The following TRAPPC6A variants were observed in gnomAD, a reference collection of about 807,000 sequenced individuals.
The protein encoded by TRAPPC6A is TRAPP complex subunit 6A.
In TRAPPC6A, 25 loss-of-function variants were observed where a neutral mutation model predicts 20.8. The ratio of observed to expected loss-of-function variants is 1.20; its 90% CI spans 0.88 to 1.68. TRAPPC6A has a LOEUF of 1.68. TRAPPC6A is among the 40% of genes most tolerant of loss of function. The pLI, the probability that TRAPPC6A is intolerant of heterozygous loss-of-function variation, is 0.00. For missense variants in TRAPPC6A, 215 were observed against 211.6 expected, an observed-to-expected ratio of 1.02 and a Z score of -0.10; for synonymous variants, 96 against 93.3, an observed-to-expected ratio of 1.03 and a Z score of -0.16.
At chr19:45,170,360 C>T (rs1209762875) in intron 1 of TRAPPC6A, among the ~76,000 whole-genome samples, 1 of 152,180 alleles carries the variant, frequency 6.6e-6, no homozygotes, top group African/African-American at 2.4e-5. Flanking sequence ...GGCAGGTGTG[C>T]TGCGAGGGTG....
At chr19:45,175,354 G>C (rs1407846478) in intron 1 of TRAPPC6A, among the ~76,000 whole-genome samples, 2 of 151,376 alleles carry the variant, frequency 1.3e-5, no homozygotes, top group Non-Finnish European at 2.9e-5. Flanking sequence ...ATGAACCCGG[G>C]AGGCGGAGCT....
At position 45,163,971 on chromosome 19, in the gene TRAPPC6A, G is replaced by A. The variant is rs759378602; in HGVS notation, c.393C>T (p.Leu131=). ...CCACGCTCTCAATGCCCAGGGTATAGAGGGCGCCGCGCAGGAGGCCGCAGG... is the reference window on the plus strand; with the variant it reads ...CCACGCTCTCAATGCCCAGGGTATAAAGGGCGCCGCGCAGGAGGCCGCAGG... The part of the protein sequence containing the change: ...AFTCGLLRGA[L]YTLGIESVVT... The change falls in exon 5 of 6, where the codon CTC becomes CTT. Residue 131 remains leucine, a synonymous_variant. Coordinates refer to ENST00000585934, the MANE Select transcript of TRAPPC6A (RefSeq NM_001270891.2). This position sits in a 1 kb window ranked among gnomAD's most constrained non-coding sequence, Gnocchi z 5.3. The A allele has an allele frequency of 3.8e-6, 6 of 1,581,492 alleles. No homozygotes were observed. In the African/African-American group the frequency reaches 5.3e-5, roughly 14 times the overall value.
At position 45,163,910 on chromosome 19, in the gene TRAPPC6A, A is replaced by G; in HGVS notation, c.448+6T>C. The G allele has an allele frequency of 1.4e-6, 2 of 1,412,324 alleles. No homozygotes were observed. The highest frequency in any genetic ancestry group is 2.0e-6 in the Non-Finnish European group (2 of 1,020,028). 87.5% of individuals were successfully genotyped at this position (1,412,324 alleles called of 1,614,324 possible). On this transcript the variant is annotated splice_donor_region_variant and intron_variant, in intron 5 of 5. Transcript: ENST00000585934. The surrounding 1 kb of genome is among the most constrained non-coding windows in gnomAD (Gnocchi z 5.3). ...GAGAAGAATCCCCCCACCCCCCATG[A>G]CTCACAGACGGGCAGGGCTGCCACG...
chr19:45,168,931 A>G (rs1327254481), intron 1 of TRAPPC6A, among the ~76,000 whole-genome samples: 1 of 152,166 alleles, frequency 6.6e-6, no homozygotes, highest in East Asian at 1.9e-4. Context: ...TCTGAAGCCA[A>G]GGTGGCCCTT....
chr19:45,168,214 A>G (rs112980664), intron 1 of TRAPPC6A, among the ~76,000 whole-genome samples: 26,797 of 151,730 alleles, frequency 0.18, 2,606 homozygotes, highest in African/African-American at 0.26. Flanking sequence ...CATGTTAGCC[A>G]GGATGGTCTT....
intron 4 of TRAPPC6A, 29 bp downstream of exon 4, chr19:45,164,135 T>C: frequency 6.3e-7 from 1 of 1,576,530 alleles, no homozygotes; most frequent in Non-Finnish European, 8.6e-7. Flanking sequence ...GGAAGGGAGG[T>C]GTGGACAAGG....
chr19:45,169,932 T>C (rs2122842377), intron 1 of TRAPPC6A, among the ~76,000 whole-genome samples: 1 of 152,296 alleles, frequency 6.6e-6, no homozygotes, highest in East Asian at 1.9e-4. Flanking sequence ...CATTTCCTAG[T>C]GTCCTCCAGG....
intron 4 of TRAPPC6A, 52 bp downstream of exon 4, chr19:45,164,112 T>C: frequency 2.6e-6 from 4 of 1,563,106 alleles, no homozygotes; most frequent in Admixed American, 1.9e-5. Flanking sequence ...GGGATGGGGC[T>C]GGGTAAACAG....
intron 3 of TRAPPC6A, among the ~76,000 whole-genome samples, chr19:45,164,475 C>A (rs1969098953): frequency 6.6e-6 from 1 of 152,078 alleles, no homozygotes; most frequent in African/African-American, 2.4e-5. Flanking sequence ...CCTCGCCTCC[C>A]AGGGTTGTGC....
rs915997838 is a variant in TRAPPC6A at position 45,163,388 on chromosome 19, C to T, written c.449-165G>A. Among the ~76,000 whole-genome samples the T allele has an allele frequency of 2.8e-4, 42 of 152,174 alleles. No individual in the cohort carries two copies. The highest frequency in any genetic ancestry group is 4.7e-4 in the Non-Finnish European group (32 of 68,012). ...CGCATCCCTGAGCTGTGTGAGTAAC[C>T]AGGAGCATGAGGGCCACGGATGTGG... On this transcript the variant is annotated intron_variant, in intron 5 of 5. Coordinates refer to ENST00000585934, the MANE Select transcript of TRAPPC6A (RefSeq NM_001270891.2). The surrounding 1 kb of genome is among the most constrained non-coding windows in gnomAD (Gnocchi z 5.3).
At position 45,166,004 on chromosome 19, in the gene TRAPPC6A, C is replaced by T. The variant is rs535638617; in HGVS notation, c.85-810G>A. Among the ~76,000 whole-genome samples, 371 of 152,128 alleles carry T rather than the reference C, an allele frequency of 2.4e-3. 2 individuals carry two copies. The highest frequency in any genetic ancestry group is 8.3e-3 in the African/African-American group (345 of 41,500). On this transcript the variant is annotated intron_variant, in intron 1 of 5. Transcript: ENST00000585934. ...CTGACTCACTGCAACCTCCGCCTCC[C>T]GGGTTCTAGCAATTCTCCTGCCTCA...
In TRAPPC6A at chr19:45,163,014, G is replaced by C. The variant is rs540081483; in HGVS notation, c.*178C>G. Reference sequence around the variant, plus strand: ...GAATCCCACCACAGTCCTGACCGCAGCTGGGACCCCTTTGCCTCCTCTGAC... The same window carrying C: ...GAATCCCACCACAGTCCTGACCGCACCTGGGACCCCTTTGCCTCCTCTGAC... On this transcript the variant is annotated 3_prime_UTR_variant, in exon 6 of 6. Transcript: ENST00000585934. The surrounding 1 kb of genome is among the most constrained non-coding windows in gnomAD (Gnocchi z 5.3). 4.7e-5 allele frequency: 30 copies of C among 634,590 alleles called. No homozygotes were observed. In the Admixed American group the frequency reaches 7.8e-4, roughly 16 times the overall value. 39.3% of individuals were successfully genotyped at this position (634,590 alleles called of 1,614,324 possible).
chr19:45,170,700 G>A (rs1378540379), intron 1 of TRAPPC6A, among the ~76,000 whole-genome samples: 1 of 152,242 alleles, frequency 6.6e-6, no homozygotes, highest in East Asian at 1.9e-4. Flanking sequence ...TGTGCCATGG[G>A]GCTAATGGCA....
rs1355896668 is a variant in TRAPPC6A, at chr19:45,178,129, G to A, written c.84+6C>T. 3 of 1,613,120 alleles carry A rather than the reference G, an allele frequency of 1.9e-6. No individual in the cohort carries two copies. The highest frequency in any genetic ancestry group is 1.1e-5 in the South Asian group (1 of 91,004). On this transcript the variant is annotated splice_donor_region_variant and intron_variant, in intron 1 of 5. Coordinates refer to ENST00000585934, the MANE Select transcript of TRAPPC6A (RefSeq NM_001270891.2). ...CCGCTTCCTCCCCACGGAGCCCGGC[G>A]CTCACCCCCGGGCCGGGGTCGGGGT...
chr19:45,165,224 G>A (rs1408783233), intron 1 of TRAPPC6A, 30 bp from the exon 2 acceptor site: 1 of 1,570,652 alleles, frequency 6.4e-7, no homozygotes, highest in South Asian at 1.2e-5. Flanking sequence ...ATGCTCAGGG[G>A]CCCTTAGCCA....
Position 45,162,950 on chromosome 19 carries a change from T to G in TRAPPC6A, c.*242A>C. The stretch of plus-strand genomic sequence containing the variant: ...GAGTCAGATTCCACACACACAGCCT[T>G]TATTGAGCAGCTACTGGGCAGTGAC... On this transcript the variant is annotated 3_prime_UTR_variant, in exon 6 of 6. Coordinates refer to ENST00000585934, the MANE Select transcript of TRAPPC6A (RefSeq NM_001270891.2). The G allele has an allele frequency of 2.5e-6, 1 of 400,026 alleles. No individual in the cohort carries two copies. The allele number at this position is 400,026 out of a possible 1,614,324, so 24.8% of individuals were successfully genotyped here.
At chr19:45,164,133 G>A (rs1444167960) in intron 4 of TRAPPC6A, 31 bp downstream of exon 4, 2 of 1,576,482 alleles carry the variant, frequency 1.3e-6, no homozygotes, top group South Asian at 1.2e-5. Context: ...GAGGAAGGGA[G>A]GTGTGGACAA....
At position 45,164,774 on chromosome 19, in the gene TRAPPC6A, G is replaced by A. The variant is rs563630708; in HGVS notation, c.270+79C>T. On this transcript the variant is annotated intron_variant, in intron 3 of 5. Coordinates refer to ENST00000585934, the MANE Select transcript of TRAPPC6A (RefSeq NM_001270891.2). ...GGCGGGTCCCGGCAGCCGCTGCTCTGGCGCCGGGGGATTCCCCTCCCACTC... is the reference window on the plus strand; with the variant it reads ...GGCGGGTCCCGGCAGCCGCTGCTCTAGCGCCGGGGGATTCCCCTCCCACTC... 1.1e-4 allele frequency: 155 copies of A among 1,388,792 alleles called. No homozygotes were observed. In the East Asian group the frequency reaches 3.3e-3, roughly 30 times the overall value. 86.0% of individuals were successfully genotyped at this position (1,388,792 alleles called of 1,614,324 possible).
intron 1 of TRAPPC6A, among the ~76,000 whole-genome samples, chr19:45,168,026 A>G (rs1195448907): frequency 8.0e-6 from 1 of 125,408 alleles, no homozygotes; most frequent in Non-Finnish European, 1.6e-5. Context: ...TTTTTGAGAC[A>G]GAGTCTCGCC....
Sources: gnomAD v4.1 joint callset for allele counts (sites outside exome capture counted in the v4.1 genomes callset) on GRCh38, gnomAD v4.1.1 for gene constraint, Gnocchi (gnomAD v3.1) non-coding constraint, MANE v1.5 for transcripts, NCBI Gene and HGNC (gene_info 2026-07-23, HGNC 2026-07-21) for gene names.